Variants in DRC8 observed in about 807,000 individuals in gnomAD.
DRC8 encodes the protein dynein regulatory complex protein 8.
the DRC8 span, among the ~76,000 whole-genome samples, chr1:245,028,391 T>C: frequency 6.6e-6 from 1 of 152,240 alleles, no homozygotes; most frequent in African/African-American, 2.4e-5. Flanking sequence ...GAATTATTAG[T>C]GTGGAACTTT....
chr1:245,093,942 CACCAA>C, the DRC8 span, among the ~76,000 whole-genome samples: 1 of 151,936 alleles, frequency 6.6e-6, no homozygotes, highest in South Asian at 2.2e-4. Flanking sequence ...AAGCATTTAT[CACCAA>C]ACTTAGGAAA....
At chr1:245,057,256 C>T in the DRC8 span, among the ~76,000 whole-genome samples, 1 of 152,102 alleles carries the variant, frequency 6.6e-6, no homozygotes, top group Non-Finnish European at 1.5e-5. Context: ...TGTAAGGAGG[C>T]AGCTTTAGGC....
chr1:245,120,048 T>G, the DRC8 span, among the ~76,000 whole-genome samples: 1 of 152,216 alleles, frequency 6.6e-6, no homozygotes, highest in Admixed American at 6.5e-5. Context: ...TAAAATAAGA[T>G]GGATGACCAT....
chr1:245,031,616 C>T, the DRC8 span, among the ~76,000 whole-genome samples: 1 of 152,144 alleles, frequency 6.6e-6, no homozygotes. Flanking sequence ...GAGCCGTCTC[C>T]ATGACTATTG....
At chr1:244,981,975 G>T in the DRC8 span, among the ~76,000 whole-genome samples, 2 of 152,192 alleles carry the variant, frequency 1.3e-5, no homozygotes, top group Non-Finnish European at 2.9e-5. Context: ...AAAAGACTGA[G>T]ATTTCATCGT....
At chr1:245,082,287 C>A in the DRC8 span, 1 of 759,058 alleles carries the variant, frequency 1.3e-6, no homozygotes, top group East Asian at 2.6e-5. Context: ...AGGTGGCCTC[C>A]CTCTAACCTT....
the DRC8 span, among the ~76,000 whole-genome samples, chr1:245,012,474 A>G: frequency 6.6e-6 from 1 of 152,044 alleles, no homozygotes; most frequent in Non-Finnish European, 1.5e-5. Flanking sequence ...TAGAAAATAT[A>G]AAATAATCAA....
At chr1:245,027,875 T>C in the DRC8 span, among the ~76,000 whole-genome samples, 1 of 152,134 alleles carries the variant, frequency 6.6e-6, no homozygotes, top group African/African-American at 2.4e-5. Context: ...TGTCAGTTTT[T>C]TTTTTTTTTT....
chr1:245,107,563 G>A, the DRC8 span, among the ~76,000 whole-genome samples: 3,656 of 152,272 alleles, frequency 0.024, 67 homozygotes, highest in African/African-American at 0.045. Flanking sequence ...TGCCGCTGTG[G>A]GGCACTGATG....
At chr1:245,024,737 G>T in the DRC8 span, among the ~76,000 whole-genome samples, 1 of 151,606 alleles carries the variant, frequency 6.6e-6, no homozygotes, top group Non-Finnish European at 1.5e-5. Flanking sequence ...AGAGATGGGG[G>T]TTCACCATAT....
At chr1:245,033,783 G>A in the DRC8 span, among the ~76,000 whole-genome samples, 7,839 of 151,282 alleles carry the variant, frequency 0.052, 295 homozygotes, top group Non-Finnish European at 0.079. Context: ...GTGCAGTGGC[G>A]CAATCTCGGC....
At chr1:245,000,522 C>G in the DRC8 span, among the ~76,000 whole-genome samples, 1 of 151,956 alleles carries the variant, frequency 6.6e-6, no homozygotes, top group East Asian at 1.9e-4. Flanking sequence ...TGGTTCAAGC[C>G]TGTAATCCCA....
chr1:245,122,917 G>C, the DRC8 span: 3 of 152,116 alleles, frequency 2.0e-5, no homozygotes, highest in African/African-American at 7.2e-5. Context: ...CGTCATCCTC[G>C]GGCAACCGCT....
At chr1:245,010,654 T>C in the DRC8 span, among the ~76,000 whole-genome samples, 1 of 151,964 alleles carries the variant, frequency 6.6e-6, no homozygotes, top group Non-Finnish European at 1.5e-5. Flanking sequence ...TCCATCCACT[T>C]TACAGGCTGA....
chr1:245,073,363 T>C, the DRC8 span, among the ~76,000 whole-genome samples: 1 of 152,196 alleles, frequency 6.6e-6, no homozygotes, highest in Non-Finnish European at 1.5e-5. Context: ...CTCAAACTCC[T>C]GGCCTCAGGT....
chr1:245,054,582 C>T, the DRC8 span, among the ~76,000 whole-genome samples: 1 of 152,082 alleles, frequency 6.6e-6, no homozygotes, highest in Non-Finnish European at 1.5e-5. Context: ...CCTGGATGTT[C>T]ACTTCCCTCT....
chr1:245,086,451 T>C, the DRC8 span, among the ~76,000 whole-genome samples: 1 of 152,222 alleles, frequency 6.6e-6, no homozygotes, highest in Admixed American at 6.5e-5. Context: ...ACATTCATCC[T>C]AATATCCACA....
At chr1:245,020,688 C>T in the DRC8 span, among the ~76,000 whole-genome samples, 4 of 139,314 alleles carry the variant, frequency 2.9e-5, no homozygotes, top group Non-Finnish European at 6.0e-5. Flanking sequence ...GGTGCAATCT[C>T]AGCTCACTGC....
the DRC8 span, among the ~76,000 whole-genome samples, chr1:244,993,685 C>A: frequency 2.6e-5 from 4 of 152,246 alleles, no homozygotes; most frequent in South Asian, 8.3e-4. Flanking sequence ...CTGGAAAGTC[C>A]GAGATTGAGG....
Sources: allele counts gnomAD v4.1 joint callset (sites outside exome capture counted in the v4.1 genomes callset), GRCh38; gene constraint gnomAD v4.1.1; transcripts MANE v1.5; gene names NCBI Gene and HGNC (gene_info 2026-07-23, HGNC 2026-07-21).